The following IQCH variants were observed in gnomAD, a reference collection of about 807,000 sequenced individuals.
IQCH encodes the protein IQ motif containing H, also known as IQ domain-containing protein H.
IQCH carries 98 observed loss-of-function variants against 117.0 expected under a neutral mutation model. That is an observed-to-expected ratio of 0.84 (90% CI 0.71 to 0.99). The LOEUF (loss-of-function observed/expected upper bound fraction) is 0.99, where lower values mean the gene tolerates loss of function less well. Among genes scored for constraint, IQCH ranks in the 50% least tolerant of loss-of-function variants. IQCH has a pLI of 0.00. For synonymous variants in IQCH, 412 were observed against 448.2 expected, an observed-to-expected ratio of 0.92 and a Z score of 1.02; for missense variants, 1,102 against 1,243.8, an observed-to-expected ratio of 0.89 and a Z score of 1.72.
In IQCH at chr15:67,390,609, C is replaced by T. The variant is rs1426190877; in HGVS notation, c.1632+1603C>T. Among the ~76,000 whole-genome samples, 2 of 152,120 alleles carry T rather than the reference C, an allele frequency of 1.3e-5. No individual in the cohort carries two copies. Among genetic ancestry groups the T allele is most frequent in the Non-Finnish European group, 2.9e-5 (2 of 68,028 alleles). On this transcript the variant is annotated intron_variant, in intron 12 of 20. Coordinates refer to ENST00000335894, the MANE Select transcript of IQCH (RefSeq NM_001031715.3). This position sits in a 1 kb window ranked among gnomAD's most constrained non-coding sequence, Gnocchi z 5.0. ...GTTCAAGCGATTCTCCTGCCTCAGCCTCCTGAGTAGCTGGGATTACAGGTG... is the reference window on the plus strand; with the variant it reads ...GTTCAAGCGATTCTCCTGCCTCAGCTTCCTGAGTAGCTGGGATTACAGGTG...
At chr15:67,451,644 C>T (rs1387016594) in intron 16 of IQCH, among the ~76,000 whole-genome samples, 3 of 152,124 alleles carry the variant, frequency 2.0e-5, no homozygotes, top group African/African-American at 7.2e-5. Context: ...TTACTTCCAA[C>T]TGTGTGGTCA....
In IQCH at chr15:67,326,187, A is replaced by G. The variant is rs555884398; in HGVS notation, c.388-10788A>G. The stretch of plus-strand genomic sequence containing the variant: ...TGTGTCCAAGTGTTCTCATTGTTCA[A>G]TTCCCACCTGTGAGTGAGAACATGT... On this transcript the variant is annotated intron_variant, in intron 4 of 20. Transcript: ENST00000335894. 7.9e-5 allele frequency among the ~76,000 whole-genome samples: 12 copies of G among 152,134 alleles called. No homozygotes were observed. The Middle Eastern group carries it at 0.01, about 129-fold the overall frequency.
chr15:67,319,753 C>T (rs1388897509), intron 4 of IQCH, among the ~76,000 whole-genome samples: 4 of 152,092 alleles, frequency 2.6e-5, no homozygotes, highest in Non-Finnish European at 2.9e-5. Flanking sequence ...TCCCAATTTC[C>T]GAGTCATATA....
At chr15:67,271,157 A>G (rs911667541) in intron 3 of IQCH, among the ~76,000 whole-genome samples, 7 of 152,152 alleles carry the variant, frequency 4.6e-5, no homozygotes, top group African/African-American at 7.2e-5. Context: ...TTTAGTAGAG[A>G]CAGGGTTTCA....
At position 67,454,523 on chromosome 15, in the gene IQCH, A is replaced by G. The variant is rs1243196121; in HGVS notation, c.2506-10604A>G. ...TATCTAATTTTACAACATTTTCCTC[A>G]ACCCCAAAAAAGAATGCTGTACACA... On this transcript the variant is annotated intron_variant, in intron 16 of 20. Transcript: ENST00000335894. The surrounding 1 kb of genome is among the most constrained non-coding windows in gnomAD (Gnocchi z 5.2). Among the ~76,000 whole-genome samples, 1 of 152,140 alleles carries G rather than the reference A, an allele frequency of 6.6e-6. No individual in the cohort carries two copies. The highest frequency in any genetic ancestry group is 1.5e-5 in the Non-Finnish European group (1 of 68,024).
rs2140412927 is a variant in IQCH at position 67,254,920 on chromosome 15, C to G, written c.24C>G (p.His8Gln). 6.2e-7 allele frequency: 1 copy of G among 1,613,818 alleles called. No individual in the cohort carries two copies. Among genetic ancestry groups the G allele is most frequent in the Non-Finnish European group, 8.5e-7 (1 of 1,179,804 alleles). ...CCATGGCACAGAACACTGAAAACCA[C>G]GACCCTGTCGGATCCATCTTAATCC... MAQNTENHDPVGSILIQI... is the reference protein window; with the variant it reads MAQNTENQDPVGSILIQI... The change falls in exon 1 of 21, where the codon CAC (histidine) becomes CAG (glutamine). Residue 8 changes from histidine (H) to glutamine (Q), a missense_variant. Transcript: ENST00000335894.
rs2082937810 is a variant in IQCH at position 67,466,531 on chromosome 15, T to C, written c.2676+1234T>C. 6.6e-6 allele frequency: 1 copy of C among 152,160 alleles called. No homozygotes were observed. Among genetic ancestry groups the C allele is most frequent in the African/African-American group, 2.4e-5 (1 of 41,424 alleles). 9.4% of individuals were successfully genotyped at this position (152,160 alleles called of 1,614,324 possible). A position where few individuals can be genotyped will look rare whatever the true frequency, so the allele number is the denominator to read the frequency against. On this transcript the variant is annotated intron_variant, in intron 17 of 20. Transcript: ENST00000335894. The surrounding 1 kb of genome is among the most constrained non-coding windows in gnomAD (Gnocchi z 4.4). ...GTCTCCTGCCTCTCTGTGAACCCCT[T>C]TGGGTCCAGTCTGGATTTGAATAAC...
intron 16 of IQCH, among the ~76,000 whole-genome samples, chr15:67,439,888 CA>C (rs201813482): frequency 0.086 from 7,200 of 83,880 alleles, 365 homozygotes; most frequent in African/African-American, 0.17. Context: ...AACTCCGTCT[CA>C]AAAAAAAAAA....
rs976326110 is a variant in IQCH at position 67,388,763 on chromosome 15, C to A, written c.1457-68C>A. On this transcript the variant is annotated intron_variant, in intron 11 of 20. Coordinates refer to ENST00000335894, the MANE Select transcript of IQCH (RefSeq NM_001031715.3). The surrounding 1 kb of genome is among the most constrained non-coding windows in gnomAD (Gnocchi z 5.5). ...TTATTTTAAACTGCACAACACCAATCGGATGCCAGAGTTCATAATGTCATT... is the reference window on the plus strand; with the variant it reads ...TTATTTTAAACTGCACAACACCAATAGGATGCCAGAGTTCATAATGTCATT... 2.3e-6 allele frequency: 3 copies of A among 1,323,968 alleles called. No homozygotes were observed. The highest frequency in any genetic ancestry group is 2.2e-6 in the Non-Finnish European group (2 of 929,676). 82.0% of individuals were successfully genotyped at this position (1,323,968 alleles called of 1,614,324 possible).
intron 8 of IQCH, among the ~76,000 whole-genome samples, chr15:67,363,183 A>G (rs75327785): frequency 6.6e-6 from 1 of 152,154 alleles, no homozygotes; most frequent in Admixed American, 6.5e-5. Flanking sequence ...ACACGGAAAA[A>G]AAAACAAACA....
intron 4 of IQCH, among the ~76,000 whole-genome samples, chr15:67,291,154 G>T (rs980936207): frequency 6.6e-6 from 1 of 152,128 alleles, no homozygotes; most frequent in Admixed American, 6.6e-5. Context: ...CTATTGTTCA[G>T]CTTGGATACC....
intron 4 of IQCH, among the ~76,000 whole-genome samples, chr15:67,285,167 G>A (rs1596100203): frequency 6.6e-6 from 1 of 152,096 alleles, no homozygotes; most frequent in Admixed American, 6.6e-5. Context: ...GTGTGAGATG[G>A]TATCTCATTG....
rs921678022 is a variant in IQCH, at chr15:67,500,800, AT to A, written c.*63del. The A allele has an allele frequency of 1.4e-4, 123 of 891,482 alleles. No homozygotes were observed. The highest frequency in any genetic ancestry group is 6.8e-4 in the Middle Eastern group (2 of 2,928). 55.2% of individuals were successfully genotyped at this position (891,482 alleles called of 1,614,324 possible). A position where few individuals can be genotyped will look rare whatever the true frequency, so the allele number is the denominator to read the frequency against. Reference sequence around the variant, plus strand: ...ATCCCAGTCTGGAATAAAAAGGGCAATTTTTTTTTCTGTTAGAAATAAAAGC... The same window carrying A: ...ATCCCAGTCTGGAATAAAAAGGGCAATTTTTTTTCTGTTAGAAATAAAAGC... On this transcript the variant is annotated 3_prime_UTR_variant, in exon 21 of 21. Coordinates refer to ENST00000335894, the MANE Select transcript of IQCH (RefSeq NM_001031715.3). This position sits in a 1 kb window ranked among gnomAD's most constrained non-coding sequence, Gnocchi z 4.4.
At position 67,385,317 on chromosome 15, in the gene IQCH, C is replaced by T. The variant is rs1971075386; in HGVS notation, c.1456+298C>T. ...TCCTATAAACCGAAATCTTTATTTA[C>T]TGAATCTTACAGTGAGTGAAGTCAA... On this transcript the variant is annotated intron_variant, in intron 11 of 20. Coordinates refer to ENST00000335894, the MANE Select transcript of IQCH (RefSeq NM_001031715.3). The surrounding 1 kb of genome is among the most constrained non-coding windows in gnomAD (Gnocchi z 4.6). Among the ~76,000 whole-genome samples the T allele has an allele frequency of 6.6e-6, 1 of 152,096 alleles. No homozygotes were observed. The highest frequency in any genetic ancestry group is 2.4e-5 in the African/African-American group (1 of 41,426).
At position 67,321,022 on chromosome 15, in the gene IQCH, A is replaced by G. The variant is rs145992818; in HGVS notation, c.388-15953A>G. Among the ~76,000 whole-genome samples the G allele has an allele frequency of 3.2e-4, 49 of 152,348 alleles. 1 individual carries two copies. The East Asian group carries it at 6.0e-3, about 19-fold the overall frequency. ...TTTCTGCAGAATAGCTCACAGAACT[A>G]TATTCGGAGGAACACACTTTAGGAA... On this transcript the variant is annotated intron_variant, in intron 4 of 20. Transcript: ENST00000335894.
intron 8 of IQCH, among the ~76,000 whole-genome samples, chr15:67,363,719 C>G (rs1970232442): frequency 1.3e-5 from 2 of 152,176 alleles, no homozygotes; most frequent in African/African-American, 4.8e-5. Flanking sequence ...CTACCCTCCA[C>G]CCTCAAGTAG....
In IQCH at chr15:67,406,763, C is replaced by A. The variant is rs1971923785; in HGVS notation, c.2097+6458C>A. 1 of 152,142 alleles carries A rather than the reference C, an allele frequency of 6.6e-6. No homozygotes were observed. The highest frequency in any genetic ancestry group is 1.5e-5 in the Non-Finnish European group (1 of 68,024). 9.4% of individuals were successfully genotyped at this position (152,142 alleles called of 1,614,324 possible). A position where few individuals can be genotyped will look rare whatever the true frequency, so the allele number is the denominator to read the frequency against. On this transcript the variant is annotated intron_variant, in intron 14 of 20. Transcript: ENST00000335894. The surrounding 1 kb of genome is among the most constrained non-coding windows in gnomAD (Gnocchi z 4.5). Reference sequence around the variant, plus strand: ...CTGGGGGATAACTATAGGCAAATTACTTCAGCTCTCCAAGTCTCCCTTTCT... The same window carrying A: ...CTGGGGGATAACTATAGGCAAATTAATTCAGCTCTCCAAGTCTCCCTTTCT...
At chr15:67,296,563 C>G (rs749037494) in intron 4 of IQCH, among the ~76,000 whole-genome samples, 3 of 151,948 alleles carry the variant, frequency 2.0e-5, no homozygotes, top group Non-Finnish European at 4.4e-5. Flanking sequence ...GCAAAGAGAC[C>G]CATCTGAGGG....
chr15:67,260,771 A>G (rs1255108973), intron 1 of IQCH, among the ~76,000 whole-genome samples: 2 of 152,166 alleles, frequency 1.3e-5, no homozygotes, highest in Admixed American at 1.3e-4. Context: ...TCACAATCTG[A>G]GAGACAATAA....
Sources: gnomAD v4.1 joint callset for allele counts (sites outside exome capture counted in the v4.1 genomes callset) on GRCh38, gnomAD v4.1.1 for gene constraint, Gnocchi (gnomAD v3.1) non-coding constraint, MANE v1.5 for transcripts, NCBI Gene and HGNC (gene_info 2026-07-23, HGNC 2026-07-21) for gene names.